SFPQ: variants seen among roughly 807,000 people sequenced by gnomAD.
The protein encoded by SFPQ is splicing factor, proline- and glutamine-rich.
SFPQ carries 11 observed loss-of-function variants against 72.9 expected under a neutral mutation model. That is an observed-to-expected ratio of 0.15 (90% CI 0.09 to 0.25). The LOEUF is 0.25. Ranked by LOEUF, SFPQ falls within the 10% of genes least tolerant of loss-of-function variation. SFPQ has a pLI of 1.00. For synonymous variants in SFPQ, 506 were observed against 367.3 expected (o/e 1.38, Z -4.32); for missense variants, 847 against 993.3 (o/e 0.85, Z 1.98).
At position 35,183,480 on chromosome 1, in the gene SFPQ, G is replaced by A; in HGVS notation, c.*976C>T. ...GATTTGCCCACCTCAGCCTCCCAAAGTGCTGGGATTACAGGCGTGAGCCAC... is the reference window on the plus strand; with the variant it reads ...GATTTGCCCACCTCAGCCTCCCAAAATGCTGGGATTACAGGCGTGAGCCAC... On this transcript the variant is annotated 3_prime_UTR_variant, in exon 10 of 10. Coordinates refer to ENST00000357214, the MANE Select transcript of SFPQ (RefSeq NM_005066.3). The A allele has an allele frequency of 1.2e-6, 1 of 808,816 alleles. No homozygotes were observed. Among genetic ancestry groups the A allele is most frequent in the Non-Finnish European group, 1.5e-6 (1 of 661,232 alleles). The allele number at this position is 808,816 out of a possible 1,614,324, so 50.1% of individuals were successfully genotyped here.
downstream of SFPQ, chr1:35,182,815 G>C (rs1639525170): frequency 7.6e-6 from 8 of 1,050,126 alleles, no homozygotes; most frequent in South Asian, 3.7e-4. Flanking sequence ...ATTTACACTG[G>C]GAAATCAGGC....
At chr1:35,190,229 T>C (rs1348633727) in intron 4 of SFPQ, among the ~76,000 whole-genome samples, 4 of 152,212 alleles carry the variant, frequency 2.6e-5, no homozygotes, top group Non-Finnish European at 4.4e-5. Context: ...CACTGCACTC[T>C]GGCCTGGGCA....
chr1:35,184,153 TAAAA>T lies in SFPQ; in HGVS notation c.*299_*302del, dbSNP rs796763714. On this transcript the variant is annotated 3_prime_UTR_variant, in exon 10 of 10. Coordinates refer to ENST00000357214, the MANE Select transcript of SFPQ (RefSeq NM_005066.3). Reference sequence around the variant, plus strand: ...ATTTTTCTATTTATTTGAAGCACAGTAAAAAAAAAAAAATTGGTACACTTTGGAA... The same window carrying T: ...ATTTTTCTATTTATTTGAAGCACAGTAAAAAAAAATTGGTACACTTTGGAA... 1 of 906,672 alleles carries T rather than the reference TAAAA, an allele frequency of 1.1e-6. No individual in the cohort carries two copies. The highest frequency in any genetic ancestry group is 1.4e-6 in the Non-Finnish European group (1 of 732,698). 56.2% of individuals were successfully genotyped at this position (906,672 alleles called of 1,614,324 possible).
downstream of SFPQ, chr1:35,182,759 CCATT>C (rs1639522692): frequency 9.1e-6 from 9 of 985,254 alleles, no homozygotes; most frequent in Non-Finnish European, 1.1e-5. Context: ...CAAAGCCAAA[CCATT>C]CAATTACTTT....
intron 1 of SFPQ, among the ~76,000 whole-genome samples, chr1:35,192,016 GCC>G (rs1251350836): frequency 6.6e-6 from 1 of 151,940 alleles, no homozygotes; most frequent in African/African-American, 2.4e-5. Context: ...ACCTCCCCTA[GCC>G]TTCCGCCCGC....
intron 9 of SFPQ, 105 bp downstream of exon 9, chr1:35,186,892 TAAAA>T: frequency 9.0e-7 from 1 of 1,112,216 alleles, no homozygotes; most frequent in African/African-American, 1.6e-5. Context: ...TAGGGGAAAC[TAAAA>T]GAGGTCCAGT....
At position 35,192,920 on chromosome 1, in the gene SFPQ, G is replaced by A; in HGVS notation, c.130C>T (p.Arg44Cys). 1 of 1,582,920 alleles carries A rather than the reference G, an allele frequency of 6.3e-7. No homozygotes were observed. The highest frequency in any genetic ancestry group is 8.5e-7 in the Non-Finnish European group (1 of 1,172,912). Residue 44 changes from arginine (R) to cysteine (C), a missense_variant, in exon 1 of 10, where the codon CGC becomes TGC. Physicochemically the swap from Arg to Cys is radical, Grantham distance 180. Coordinates refer to ENST00000357214, the MANE Select transcript of SFPQ (RefSeq NM_005066.3). The part of the protein sequence containing the change: ...PPPGMGLNQN[R>C]GPMGPGPGQS... ...CCCGGGCCAGGACCCATGGGGCCGCGATTCTGATTGAGGCCCATGCCGGGC... is the reference window on the plus strand; with the variant it reads ...CCCGGGCCAGGACCCATGGGGCCGCAATTCTGATTGAGGCCCATGCCGGGC...
rs1171133473 is a variant in SFPQ at position 35,192,312 on chromosome 1, C to T, written c.738G>A (p.Gln246=). ...RGGGEPRGGR[Q]HHPPYHQQHH... The stretch of plus-strand genomic sequence containing the variant: ...GCTGCTGGTGGTAGGGCGGGTGGTG[C>T]TGGCGGCCCCCGCGGGGCTCCCCGC... The change falls in exon 1 of 10, where the codon CAG becomes CAA. Residue 246 remains glutamine (Q), a synonymous_variant. Transcript: ENST00000357214. 7.0e-7 allele frequency: 1 copy of T among 1,436,018 alleles called. No individual in the cohort carries two copies. Among genetic ancestry groups the T allele is most frequent in the Non-Finnish European group, 9.0e-7 (1 of 1,106,272 alleles). 89.0% of individuals were successfully genotyped at this position (1,436,018 alleles called of 1,614,324 possible). A position where few individuals can be genotyped will look rare whatever the true frequency, so the allele number is the denominator to read the frequency against.
Position 35,192,801 on chromosome 1 carries a change from TGGCGGCTGCTGCGGC to T in SFPQ, c.234_248del (p.Gln80_Pro84del). 2.0e-6 allele frequency: 3 copies of T among 1,497,902 alleles called. No individual in the cohort carries two copies. The highest frequency in any genetic ancestry group is 2.7e-5 in the East Asian group (1 of 37,584). 92.8% of individuals were successfully genotyped at this position (1,497,902 alleles called of 1,614,324 possible). ...GTGGATGCGGCGGCGGCTGATGCGG[TGGCGGCTGCTGCGGC>T]GGTGGCTGCTGCGGTGGTGGCTGTT... is the stretch of plus-strand genomic sequence containing the variant. On this transcript the variant is annotated inframe_deletion, in exon 1 of 10. Transcript: ENST00000357214.
downstream of SFPQ, chr1:35,182,364 T>C (rs1335144134): frequency 1.0e-6 from 1 of 985,304 alleles, no homozygotes; most frequent in Non-Finnish European, 1.2e-6. Context: ...CAAAACTTCC[T>C]CACTGATATA....
At chr1:35,178,883 T>C (rs9783066), downstream of SFPQ, 3,270 of 964,518 alleles carry the variant, frequency 3.4e-3, 3 homozygotes, top group East Asian at 0.14. Flanking sequence ...CTTTTCACTC[T>C]CAAAAAAAAA....
At chr1:35,191,229 TA>T in intron 2 of SFPQ, 111 bp downstream of exon 2, 1 of 964,078 alleles carries the variant, frequency 1.0e-6, no homozygotes, top group Non-Finnish European at 1.6e-6. Context: ...GTGAAAAATC[TA>T]AAAGATCAAT....
At chr1:35,178,773 G>T (rs531058037), downstream of SFPQ, 3 of 1,052,600 alleles carry the variant, frequency 2.9e-6, no homozygotes, top group Admixed American at 5.5e-5. Context: ...GGTATATGAA[G>T]TAAGAGTTCC....
At chr1:35,182,279 T>A (rs778497978), downstream of SFPQ, 1 of 985,356 alleles carries the variant, frequency 1.0e-6, no homozygotes, top group Non-Finnish European at 1.2e-6. Flanking sequence ...CTGTAATGGA[T>A]TCCTTTCTAA....
chr1:35,182,153 A>G (rs573126328), downstream of SFPQ: 1 of 985,294 alleles, frequency 1.0e-6, no homozygotes, highest in South Asian at 4.7e-5. Flanking sequence ...AGATTTTCCC[A>G]TTTCCCGACC....
In SFPQ at chr1:35,184,527, G is replaced by T. The variant is rs1014139950; in HGVS notation, c.2053C>A (p.Pro685Thr). 2.5e-6 allele frequency: 4 copies of T among 1,613,094 alleles called. No homozygotes were observed. Among genetic ancestry groups the T allele is most frequent in the Non-Finnish European group, 3.4e-6 (4 of 1,179,600 alleles). The change falls in exon 10 of 10, where the codon CCT becomes ACT. Residue 685 changes from proline to threonine, a missense_variant. By Grantham distance (38) the Pro-to-Thr change is conservative (BLOSUM62 -1). This residue lies in a region of SFPQ where 154 missense variants were observed against 186.0 expected (regional missense o/e 0.83). Coordinates refer to ENST00000357214, the MANE Select transcript of SFPQ (RefSeq NM_005066.3). ...VGGQGPRGMG[P>T]GTPAGYGRGR... ...CTACCATATCCTGCTGGAGTTCCAG[G>T]CCCCATTCCTCTAGGACCCTGTCCA...
At chr1:35,191,079 C>T (rs945899054) in intron 2 of SFPQ, 84 bp from the exon 3 acceptor site, 2 of 1,214,024 alleles carry the variant, frequency 1.6e-6, no homozygotes, top group Non-Finnish European at 2.3e-6. Context: ...CTTCCTACTC[C>T]CTTTCTTCCT....
At chr1:35,191,595 T>C (rs928205952) in intron 1 of SFPQ, 66 bp from the exon 2 acceptor site, 7 of 1,280,154 alleles carry the variant, frequency 5.5e-6, no homozygotes, top group Non-Finnish European at 6.6e-6. Flanking sequence ...CCCAAGATAG[T>C]ATTTGCTTAT....
chr1:35,189,467 T>C, intron 4 of SFPQ, 85 bp from the exon 5 acceptor site: 1 of 1,135,052 alleles, frequency 8.8e-7, no homozygotes, highest in Non-Finnish European at 1.2e-6. Context: ...TTTTTCCTGT[T>C]CTATTTCTTG....
Sources: gnomAD v4.1 joint callset for allele counts (sites outside exome capture counted in the v4.1 genomes callset) on GRCh38, gnomAD v4.1.1 for gene constraint, gnomAD v4.1.1 regional missense constraint, MANE v1.5 for transcripts, NCBI Gene and HGNC (gene_info 2026-07-23, HGNC 2026-07-21) for gene names.